The following BTBD8 variants were observed in gnomAD, a reference collection of about 807,000 sequenced individuals.
BTBD8 encodes the protein BTB/POZ domain-containing protein 8.
A neutral mutation model predicts 162.9 loss-of-function variants in BTBD8; 110 were observed. That is an observed-to-expected ratio of 0.68 (90% CI 0.58 to 0.79). BTBD8 has a LOEUF of 0.79. Among genes scored for constraint, BTBD8 ranks in the 30% least tolerant of loss-of-function variants. BTBD8 has a pLI of 0.00. For missense variants in BTBD8, 1,905 were observed against 2,085.4 expected, an observed-to-expected ratio of 0.91 and a Z score of 1.68; for synonymous variants, 667 against 716.1, an observed-to-expected ratio of 0.93 and a Z score of 1.10.
rs779455339 is a variant in BTBD8 at position 92,182,396 on chromosome 1, A to G, written c.4713A>G (p.Lys1571=). 1.8e-4 allele frequency: 284 copies of G among 1,549,454 alleles called. No homozygotes were observed. Among genetic ancestry groups the G allele is most frequent in the Non-Finnish European group, 2.3e-4 (258 of 1,146,436 alleles). The change falls in exon 17 of 18, where the codon AAA becomes AAG. Residue 1571 remains lysine (K), a synonymous_variant. Transcript: ENST00000636805. Reference sequence around the variant, plus strand: ...AAAATGACATTCAGCAACGCAGCAAATTCTTGGATAGTGATGTAAAATCTC... The same window carrying G: ...AAAATGACATTCAGCAACGCAGCAAGTTCTTGGATAGTGATGTAAAATCTC... ...NVENDIQQRS[K]FLDSDVKSQE...
chr1:92,110,766 A>C (rs1648869111), intron 4 of BTBD8, among the ~76,000 whole-genome samples: 1 of 151,994 alleles, frequency 6.6e-6, no homozygotes, highest in Non-Finnish European at 1.5e-5. Flanking sequence ...GATGGTCTCG[A>C]TCTCCTGACC....
Position 92,171,438 on chromosome 1 carries a change from A to G in BTBD8, c.1613A>G (p.Lys538Arg), listed in dbSNP as rs1475291765. 1 of 1,536,654 alleles carries G rather than the reference A, an allele frequency of 6.5e-7. No homozygotes were observed. The highest frequency in any genetic ancestry group is 1.4e-5 in the African/African-American group (1 of 72,638). ...DKGDDRRLGK[K>R]PIFSSSQQRK... ...GGTGATGATCGAAGACTTGGCAAAA[A>G]GCCTATATTCAGTAGCTCGCAGGTA... The change falls in exon 13 of 18, where the codon AAG becomes AGG. Residue 538 changes from lysine to arginine, a missense_variant. Lys to Arg is a conservative substitution (Grantham distance 26). Coordinates refer to ENST00000636805, the MANE Select transcript of BTBD8 (RefSeq NM_001376131.1).
At chr1:92,183,553 A>G (rs1650982399) in intron 17 of BTBD8, among the ~76,000 whole-genome samples, 1 of 152,002 alleles carries the variant, frequency 6.6e-6, no homozygotes, top group Non-Finnish European at 1.5e-5. Context: ...ATTGTAGTGA[A>G]TTAGATATAT....
At chr1:92,148,872 G>A (rs1318319759) in intron 9 of BTBD8, among the ~76,000 whole-genome samples, 1 of 152,204 alleles carries the variant, frequency 6.6e-6, no homozygotes, top group Non-Finnish European at 1.5e-5. Flanking sequence ...AGAGGAAATT[G>A]AGTTGCTACT....
At chr1:92,183,755 G>GTT (rs59910368) in intron 17 of BTBD8, 109 bp from the exon 18 acceptor site, 188,743 of 425,426 alleles carry the variant, frequency 0.44, 33,788 homozygotes, top group African/African-American at 0.65. Flanking sequence ...CCCATTCTGT[G>GTT]TTTTTTTTTT....
intron 4 of BTBD8, among the ~76,000 whole-genome samples, chr1:92,124,894 T>C (rs1416900681): frequency 6.6e-6 from 1 of 152,162 alleles, no homozygotes; most frequent in African/African-American, 2.4e-5. Context: ...TCCGGACCTT[T>C]AGAATTGTAA....
At chr1:92,139,590 C>A in intron 6 of BTBD8, 160 bp downstream of exon 6, 1 of 1,262,476 alleles carries the variant, frequency 7.9e-7, no homozygotes, top group Non-Finnish European at 1.0e-6. Flanking sequence ...ATAAGCAAAT[C>A]ATCTTATTTA....
intron 5 of BTBD8, among the ~76,000 whole-genome samples, chr1:92,134,984 C>T (rs1407061300): frequency 2.0e-5 from 3 of 151,684 alleles, no homozygotes; most frequent in African/African-American, 4.8e-5. Context: ...CTCCACCTCC[C>T]GGGTTCAAGC....
intron 12 of BTBD8, among the ~76,000 whole-genome samples, chr1:92,170,975 T>C (rs1182099004): frequency 2.0e-5 from 3 of 151,986 alleles, no homozygotes; most frequent in Admixed American, 6.5e-5. Flanking sequence ...TTCAAGAGTA[T>C]TTTTACATTT....
chr1:92,121,267 G>T (rs774726476), intron 4 of BTBD8, among the ~76,000 whole-genome samples: 1 of 151,916 alleles, frequency 6.6e-6, no homozygotes, highest in African/African-American at 2.4e-5. Flanking sequence ...ATTCTATTTC[G>T]TGCTGAATTC....
At position 92,139,537 on chromosome 1, in the gene BTBD8, A is replaced by G. The variant is rs550314540; in HGVS notation, c.833+107A>G. On this transcript the variant is annotated intron_variant, in intron 6 of 17. Transcript: ENST00000636805. ...GTAGAAACTTTGCTTTTTATAGTCT[A>G]TTATACTATATCTTCAGTAGGTTTT... 7.8e-6 allele frequency: 11 copies of G among 1,414,474 alleles called. No individual in the cohort carries two copies. In the South Asian group the frequency reaches 1.2e-4, roughly 16 times the overall value. 87.6% of individuals were successfully genotyped at this position (1,414,474 alleles called of 1,614,324 possible). A position where few individuals can be genotyped will look rare whatever the true frequency, so the allele number is the denominator to read the frequency against.
rs1650936141 is a variant in BTBD8, at chr1:92,182,280, A to G, written c.4597A>G (p.Thr1533Ala). ...AAAAAATAAACAGAGTGTTTCAGCC[A>G]CAGAAAAAAAGAACACAATAGACGT... ...SRKNKQSVSA[T>A]EKKNTIDVLS... The change falls in exon 17 of 18, where the codon ACA becomes GCA. Residue 1533 changes from threonine to alanine, a missense_variant. By Grantham distance (58) the Thr-to-Ala change is moderately conservative. This residue lies in a region of BTBD8 where 517 missense variants were observed against 606.6 expected (regional missense o/e 0.85). Coordinates refer to ENST00000636805, the MANE Select transcript of BTBD8 (RefSeq NM_001376131.1). 2 of 1,551,296 alleles carry G rather than the reference A, an allele frequency of 1.3e-6. No homozygotes were observed. Among genetic ancestry groups the G allele is most frequent in the Non-Finnish European group, 1.7e-6 (2 of 1,146,896 alleles).
Position 92,179,036 on chromosome 1 carries a change from A to G in BTBD8, c.2581+585A>G, listed in dbSNP as rs554341097. ...CAAGGCGGGTGGATCACCTGAGGTC[A>G]GGAGTTCAAGACCAGCCTGACCAAT... On this transcript the variant is annotated intron_variant, in intron 16 of 17. Transcript: ENST00000636805. Among the ~76,000 whole-genome samples, 14 of 152,278 alleles carry G rather than the reference A, an allele frequency of 9.2e-5. No individual in the cohort carries two copies. The South Asian group carries it at 2.9e-3, about 32-fold the overall frequency.
At chr1:92,081,472 A>G (rs1648010790) in intron 1 of BTBD8, among the ~76,000 whole-genome samples, 1 of 152,202 alleles carries the variant, frequency 6.6e-6, no homozygotes, top group Non-Finnish European at 1.5e-5. Context: ...GAAATTTTCC[A>G]TTTCTAACAA....
intron 5 of BTBD8, among the ~76,000 whole-genome samples, chr1:92,130,567 CATAT>C (rs71710875): frequency 6.1e-5 from 9 of 147,670 alleles, no homozygotes; most frequent in Non-Finnish European, 7.6e-5. Flanking sequence ...CACACACACA[CATAT>C]ACGCACACAC....
At chr1:92,162,030 G>T (rs1349620537) in intron 9 of BTBD8, among the ~76,000 whole-genome samples, 1 of 150,318 alleles carries the variant, frequency 6.7e-6, no homozygotes, top group Admixed American at 6.6e-5. Flanking sequence ...ATTGTGAACC[G>T]CTAAATACAT....
At chr1:92,150,532 A>G (rs887654386) in intron 9 of BTBD8, 1 of 152,210 alleles carries the variant, frequency 6.6e-6, no homozygotes, top group African/African-American at 2.4e-5. Flanking sequence ...TATGGTCACC[A>G]TATACTTTAT....
chr1:92,167,879 T>G lies in BTBD8; in HGVS notation c.1337T>G (p.Leu446Trp). 6.4e-7 allele frequency: 1 copy of G among 1,551,146 alleles called. No individual in the cohort carries two copies. The highest frequency in any genetic ancestry group is 2.4e-5 in the East Asian group (1 of 40,882). The change falls in exon 11 of 18, where the codon TTG (leucine) becomes TGG (tryptophan). Residue 446 changes from leucine to tryptophan, a missense_variant. Coordinates refer to ENST00000636805, the MANE Select transcript of BTBD8 (RefSeq NM_001376131.1). ...SQAMSSTADL[L>W]DTILKAIEEN... ...GCAATGAGCAGCACAGCCGATCTGT[T>G]GGACACAATTTTAAAAGCAATTGAA... is the stretch of plus-strand genomic sequence containing the variant.
At chr1:92,120,360 G>A (rs541383436) in intron 4 of BTBD8, among the ~76,000 whole-genome samples, 66 of 152,190 alleles carry the variant, frequency 4.3e-4, no homozygotes, top group African/African-American at 1.5e-3. Flanking sequence ...GGGCAGTAAC[G>A]GACATGGAGC....
Sources: allele counts gnomAD v4.1 joint callset (sites outside exome capture counted in the v4.1 genomes callset), GRCh38; gene constraint gnomAD v4.1.1; regional missense constraint gnomAD v4.1.1; transcripts MANE v1.5; gene names NCBI Gene and HGNC (gene_info 2026-07-23, HGNC 2026-07-21).